ITIH1: variants seen among roughly 807,000 people sequenced by gnomAD.
The protein encoded by ITIH1 is inter-alpha-trypsin inhibitor heavy chain 1, also known as inter-alpha-trypsin inhibitor heavy chain H1.
In ITIH1, 94 loss-of-function variants were observed where a neutral mutation model predicts 104.6. The observed-to-expected ratio is 0.90, with a 90% confidence interval of 0.76 to 1.07. ITIH1 has a LOEUF of 1.07. Among genes scored for constraint, ITIH1 ranks in the 50% least tolerant of loss-of-function variants. The pLI, the probability that ITIH1 is intolerant of heterozygous loss-of-function variation, is 0.00. For missense variants in ITIH1, 1,193 were observed against 1,181.4 expected, an observed-to-expected ratio of 1.01 and a Z score of -0.14; for synonymous variants, 455 against 464.4, an observed-to-expected ratio of 0.98 and a Z score of 0.26.
At chr3:52,778,640 C>A in intron 3 of ITIH1, 134 bp downstream of exon 3, 1 of 1,483,830 alleles carries the variant, frequency 6.7e-7, no homozygotes, top group Non-Finnish European at 8.9e-7. Flanking sequence ...CCAGCCCTGG[C>A]TTTGAGGGGA....
intron 11 of ITIH1, 115 bp downstream of exon 11, chr3:52,784,592 T>C (rs1463080450): frequency 4.7e-6 from 5 of 1,070,806 alleles, no homozygotes; most frequent in Non-Finnish European, 5.3e-6. Flanking sequence ...AGAGTTCAAA[T>C]CAGCTGCATG....
chr3:52,777,951 T>G (rs369992418), intron 1 of ITIH1, 46 bp from the exon 2 acceptor site: 1 of 1,613,254 alleles, frequency 6.2e-7, no homozygotes, highest in Non-Finnish European at 8.5e-7. Flanking sequence ...AGGCCGGTGG[T>G]CCCCTGAGTT....
chr3:52,787,637 T>C (rs375895734), intron 16 of ITIH1, 25 bp downstream of exon 16: 447 of 1,613,072 alleles, frequency 2.8e-4, no homozygotes, highest in Non-Finnish European at 3.6e-4. Context: ...TCCTGGCCAT[T>C]CACATCTCTA....
In ITIH1 at chr3:52,788,324, C is replaced by T. The variant is rs371958750; in HGVS notation, c.2098C>T (p.Leu700=). 2.0e-5 allele frequency: 32 copies of T among 1,606,306 alleles called. No homozygotes were observed. The highest frequency in any genetic ancestry group is 2.6e-5 in the Non-Finnish European group (31 of 1,176,016). Reference sequence around the variant, plus strand: ...TGAGGAGCCTGGTGTTATCCTGAGCCTGGTACAGGACCCCAACACAGGTAT... The same window carrying T: ...TGAGGAGCCTGGTGTTATCCTGAGCTTGGTACAGGACCCCAACACAGGTAT... ...INEEPGVILS[L]VQDPNTGFSV... The change falls in exon 18 of 22, where the codon CTG becomes TTG. Residue 700 remains leucine, a synonymous_variant. Coordinates refer to ENST00000273283, the MANE Select transcript of ITIH1 (RefSeq NM_002215.4).
rs35432560 is a variant in ITIH1 at position 52,781,321 on chromosome 3, CCTT to C, written c.688-607_688-605del. Among the ~76,000 whole-genome samples the C allele has an allele frequency of 1.5e-3, 172 of 113,416 alleles. 2 individuals carry two copies. The highest frequency in any genetic ancestry group is 4.1e-3 in the African/African-American group (133 of 32,642). The allele number at this position is 113,416 out of a possible 152,430, so 74.4% of individuals were successfully genotyped here. ...TTCTTCTGCTTCTTCTTCTCCTTCTCCTTCTTCTTCTTCTATCTTCTCTTCTTC... is the reference window on the plus strand; with the variant it reads ...TTCTTCTGCTTCTTCTTCTCCTTCTCCTTCTTCTTCTATCTTCTCTTCTTC... On this transcript the variant is annotated intron_variant, in intron 6 of 21. Coordinates refer to ENST00000273283, the MANE Select transcript of ITIH1 (RefSeq NM_002215.4).
chr3:52,784,876 G>GA (rs5848960), intron 11 of ITIH1, among the ~76,000 whole-genome samples, 168 bp from the exon 12 acceptor site: 49,764 of 137,572 alleles, frequency 0.36, 9,153 homozygotes, highest in Admixed American at 0.49. Context: ...CTCTGTCTCA[G>GA]AAAAAAAAAA....
chr3:52,782,824 G>A lies in ITIH1; in HGVS notation c.931-133G>A, dbSNP rs143918452. ...GCCCGGCAGGATGCTCCTGTCTCGGGGCCACCTGGTTGTCCTATCTCCTCC... is the reference window on the plus strand; with the variant it reads ...GCCCGGCAGGATGCTCCTGTCTCGGAGCCACCTGGTTGTCCTATCTCCTCC... On this transcript the variant is annotated intron_variant, in intron 8 of 21. Transcript: ENST00000273283. 9.3e-3 allele frequency: 7,931 copies of A among 855,144 alleles called. 190 individuals carry two copies. The highest frequency in any genetic ancestry group is 0.066 in the South Asian group (3,833 of 58,464). The allele number at this position is 855,144 out of a possible 1,614,324, so 53.0% of individuals were successfully genotyped here. A position where few individuals can be genotyped will look rare whatever the true frequency, so the allele number is the denominator to read the frequency against.
intron 2 of ITIH1, 96 bp from the exon 3 acceptor site, chr3:52,778,244 T>C: frequency 1.6e-6 from 2 of 1,286,934 alleles, no homozygotes; most frequent in Non-Finnish European, 2.2e-6. Context: ...CTGGGCACCA[T>C]GCACTGGGGC....
chr3:52,789,516 G>A (rs1258114132), intron 18 of ITIH1, 137 bp from the exon 19 acceptor site: 5 of 712,888 alleles, frequency 7.0e-6, no homozygotes, highest in Non-Finnish European at 1.2e-5. Context: ...CAGACCTGGA[G>A]ACCCTGAGGC....
rs771477330 is a variant in ITIH1 at position 52,781,999 on chromosome 3, A to G, written c.747A>G (p.Thr249=). 3 of 1,614,008 alleles carry G rather than the reference A, an allele frequency of 1.9e-6. No homozygotes were observed. The highest frequency in any genetic ancestry group is 2.2e-5 in the East Asian group (1 of 44,870). Residue 249 remains threonine (T), a synonymous_variant, in exon 7 of 22, where the codon ACA becomes ACG. Coordinates refer to ENST00000273283, the MANE Select transcript of ITIH1 (RefSeq NM_002215.4). ...SQQQSCPTCS[T]SLLNGHFKVT... ...AGCAGTCCTGCCCCACATGCTCTAC[A>G]TCCTTACTGAACGGGCACTTCAAGG...
rs1698974328 is a variant in ITIH1 at position 52,778,991 on chromosome 3, G to T, written c.355G>T (p.Ala119Ser). 1 of 1,614,028 alleles carries T rather than the reference G, an allele frequency of 6.2e-7. No individual in the cohort carries two copies. Among genetic ancestry groups the T allele is most frequent in the African/African-American group, 1.3e-5 (1 of 74,942 alleles). Residue 119 changes from alanine to serine, a missense_variant, in exon 4 of 22, where the codon GCA becomes TCA. Transcript: ENST00000273283. ...FIGDIKDKVTAWKQYRKAAIS... is the reference protein window; with the variant it reads ...FIGDIKDKVTSWKQYRKAAIS... ...CGGAGACATAAAGGACAAGGTGACT[G>T]CATGGAAGCAGTACCGGAAAGCAGC...
In ITIH1 at chr3:52,779,220, C is replaced by T. The variant is rs971134343; in HGVS notation, c.410+174C>T. 5.3e-5 allele frequency among the ~76,000 whole-genome samples: 8 copies of T among 152,232 alleles called. No individual in the cohort carries two copies. Among genetic ancestry groups the T allele is most frequent in the African/African-American group, 1.9e-4 (8 of 41,462 alleles). On this transcript the variant is annotated intron_variant, in intron 4 of 21. Coordinates refer to ENST00000273283, the MANE Select transcript of ITIH1 (RefSeq NM_002215.4). The surrounding 1 kb of genome is among the most constrained non-coding windows in gnomAD (Gnocchi z 4.4). Reference sequence around the variant, plus strand: ...CTGAACAGGCTGCCGTGCAGTTGCCCTTTTCCCAGATATGCCACTGGGAGA... The same window carrying T: ...CTGAACAGGCTGCCGTGCAGTTGCCTTTTTCCCAGATATGCCACTGGGAGA...
In ITIH1 at chr3:52,791,528, C is replaced by T. The variant is rs777431003; in HGVS notation, c.2506C>T (p.His836Tyr). Residue 836 changes from histidine to tyrosine, a missense_variant, in exon 21 of 22, where the codon CAC becomes TAC. Coordinates refer to ENST00000273283, the MANE Select transcript of ITIH1 (RefSeq NM_002215.4). Reference sequence around the variant, plus strand: ...ATGTGCCTTTCTAGGGCAATTTTTCCACCCCATCGGTTTTGAAGTGTCTGA... The same window carrying T: ...ATGTGCCTTTCTAGGGCAATTTTTCTACCCCATCGGTTTTGAAGTGTCTGA... ...RTHGLLGQFF[H>Y]PIGFEVSDIH... The T allele has an allele frequency of 1.2e-6, 2 of 1,613,964 alleles. No individual in the cohort carries two copies. The highest frequency in any genetic ancestry group is 3.3e-5 in the Admixed American group (2 of 60,022).
rs1180821827 is a variant in ITIH1 at position 52,782,963 on chromosome 3, G to T, written c.937G>T (p.Glu313Ter). ...GACTGTTCTGTCCTTGCAGACCAAG[G>T]AGGCACTCCTTAAAATTCTGGGGGA... is the stretch of plus-strand genomic sequence containing the variant. ...MRGQKVKQTK[E>*]ALLKILGDMQ... Residue 313 changes from glutamate (E) to a stop codon, truncating the protein, a stop_gained, in exon 9 of 22, where the codon GAG (glutamate) becomes TAG (stop). Transcript: ENST00000273283. LOFTEE classifies it high-confidence loss of function. 1.2e-6 allele frequency: 2 copies of T among 1,613,874 alleles called. No homozygotes were observed. Among genetic ancestry groups the T allele is most frequent in the African/African-American group, 2.7e-5 (2 of 74,850 alleles).
intron 6 of ITIH1, among the ~76,000 whole-genome samples, chr3:52,781,287 CTCTTCTTCT>C: frequency 1.4e-5 from 1 of 71,058 alleles, no homozygotes; most frequent in African/African-American, 6.8e-5. Flanking sequence ...CTTCTTCTTC[CTCTTCTTCT>C]TCTTCTGCTT....
chr3:52,787,203 G>A lies in ITIH1; in HGVS notation c.1903+1G>A, dbSNP rs1333230005. The A allele has an allele frequency of 4.3e-6, 7 of 1,613,894 alleles. No individual in the cohort carries two copies. Among genetic ancestry groups the A allele is most frequent in the African/African-American group, 1.3e-5 (1 of 74,940 alleles). ...TCCCTTCCAGATTCTCCGCCTTTGG[G>A]TGAGTTTTAAATTGCATTAGTTTCA... On this transcript the variant is annotated splice_donor_variant, in intron 15 of 21. Transcript: ENST00000273283. LOFTEE classifies it high-confidence loss of function.
intron 6 of ITIH1, among the ~76,000 whole-genome samples, chr3:52,781,611 T>C (rs1699061789): frequency 1.3e-5 from 2 of 152,138 alleles, no homozygotes; most frequent in South Asian, 4.1e-4. Context: ...ACCACAGTAT[T>C]GTAGTGCTGC....
At chr3:52,777,859 G>C (rs747691952) in intron 1 of ITIH1, 127 bp downstream of exon 1, 9 of 1,360,840 alleles carry the variant, frequency 6.6e-6, no homozygotes, top group Non-Finnish European at 9.4e-6. Context: ...TGAGTGGAGA[G>C]GTGACCTCCC....
chr3:52,784,397 T>G lies in ITIH1; in HGVS notation c.1327T>G (p.Phe443Val). Residue 443 changes from phenylalanine (F) to valine (V), a missense_variant, in exon 11 of 22, where the codon TTT becomes GTT. Transcript: ENST00000273283. ...TTTCGGCCACAATGTGGACTTTAACTTTCTGGAGGTCATGTCCATGGAGAA... is the reference window on the plus strand; with the variant it reads ...TTTCGGCCACAATGTGGACTTTAACGTTCTGGAGGTCATGTCCATGGAGAA... Reference protein sequence around the residue: ...LGFGHNVDFNFLEVMSMENNG... With the variant: ...LGFGHNVDFNVLEVMSMENNG... 1 of 1,614,166 alleles carries G rather than the reference T, an allele frequency of 6.2e-7. No homozygotes were observed. Among genetic ancestry groups the G allele is most frequent in the South Asian group, 1.1e-5 (1 of 91,078 alleles).
Sources: allele counts gnomAD v4.1 joint callset (sites outside exome capture counted in the v4.1 genomes callset), GRCh38; gene constraint gnomAD v4.1.1; non-coding constraint Gnocchi (gnomAD v3.1); transcripts MANE v1.5; gene names NCBI Gene and HGNC (gene_info 2026-07-23, HGNC 2026-07-21).